CLVS2: variants seen among roughly 807,000 people sequenced by gnomAD.
The protein encoded by CLVS2 is clavesin 2.
In CLVS2, 19 loss-of-function variants were observed where a neutral mutation model predicts 29.0. That is an observed-to-expected ratio of 0.66 (90% confidence interval 0.46 to 0.96). The LOEUF (loss-of-function observed/expected upper bound fraction) is 0.96. Ranked by LOEUF, CLVS2 falls within the 40% of genes least tolerant of loss-of-function variation. The probability of loss-of-function intolerance (pLI) is 0.00; values close to 1 mark genes in which losing one functional copy is unlikely to be tolerated. For missense variants in CLVS2, 294 were observed against 404.1 expected, an observed-to-expected ratio of 0.73 and a Z score of 2.34; for synonymous variants, 161 against 151.3, an observed-to-expected ratio of 1.06 and a Z score of -0.47.
chr6:123,059,611 A>G (rs757556473), intron 5 of CLVS2, among the ~76,000 whole-genome samples: 1 of 152,102 alleles, frequency 6.6e-6, no homozygotes, highest in Non-Finnish European at 1.5e-5. Context: ...GATAGACCTC[A>G]CTGGCTTCTT....
chr6:123,011,950 C>G (rs1437378261), intron 3 of CLVS2, among the ~76,000 whole-genome samples: 1 of 151,914 alleles, frequency 6.6e-6, no homozygotes, highest in Admixed American at 6.6e-5. Context: ...GTTGAGTAAG[C>G]CCAAGTCATC....
chr6:123,009,090 T>G (rs1004047286), intron 2 of CLVS2, among the ~76,000 whole-genome samples: 43 of 152,080 alleles, frequency 2.8e-4, no homozygotes, highest in African/African-American at 9.9e-4. Context: ...CCAACCAACA[T>G]TTACTGAACA....
intron 3 of CLVS2, among the ~76,000 whole-genome samples, chr6:123,019,125 T>C (rs1294294209): frequency 6.6e-6 from 1 of 152,026 alleles, no homozygotes; most frequent in Non-Finnish European, 1.5e-5. Flanking sequence ...TTCCTATGGG[T>C]CAGATCTGGA....
At chr6:123,017,351 A>G (rs1414231728) in intron 3 of CLVS2, among the ~76,000 whole-genome samples, 1 of 152,046 alleles carries the variant, frequency 6.6e-6, no homozygotes, top group Non-Finnish European at 1.5e-5. Context: ...GAGGGGGCTG[A>G]AGCAATGCCT....
intron 3 of CLVS2, among the ~76,000 whole-genome samples, chr6:123,038,631 C>T (rs1333056245): frequency 1.3e-5 from 2 of 151,834 alleles, no homozygotes; most frequent in Non-Finnish European, 2.9e-5. Flanking sequence ...GTATTTTTTC[C>T]AAGCCTTTCA....
chr6:122,997,817 G>A lies in CLVS2; in HGVS notation c.40G>A (p.Glu14Lys). ...AGCCGGTCTCTCCCCTGAGACCCTG[G>A]AGAAAGCTCGCCTGGAGCTCAATGA... Reference protein sequence around the residue: ...LQAGLSPETLEKARLELNENP... With the variant: ...LQAGLSPETLKKARLELNENP... Residue 14 changes from glutamate to lysine, a missense_variant, in exon 2 of 6, where the codon GAG becomes AAG. Glu to Lys is a moderately conservative substitution (Grantham distance 56). Coordinates refer to ENST00000275162, the MANE Select transcript of CLVS2 (RefSeq NM_001010852.4). 6.2e-7 allele frequency: 1 copy of A among 1,614,112 alleles called. No homozygotes were observed. The highest frequency in any genetic ancestry group is 8.5e-7 in the Non-Finnish European group (1 of 1,180,020).
chr6:123,016,058 G>T (rs1582647475), intron 3 of CLVS2, among the ~76,000 whole-genome samples: 1 of 135,604 alleles, frequency 7.4e-6, no homozygotes, highest in Non-Finnish European at 1.5e-5. Context: ...TGTGGAAAGG[G>T]AGTATTCAGG....
chr6:123,009,062 G>C (rs1271834152), intron 2 of CLVS2, among the ~76,000 whole-genome samples: 1 of 152,002 alleles, frequency 6.6e-6, no homozygotes, highest in African/African-American at 2.4e-5. Context: ...CTAACAAAAA[G>C]TATGCTATGT....
At chr6:123,027,923 A>G (rs1042070810) in intron 3 of CLVS2, among the ~76,000 whole-genome samples, 1 of 152,208 alleles carries the variant, frequency 6.6e-6, no homozygotes, top group African/African-American at 2.4e-5. Context: ...ATATTAATGT[A>G]CTGTGCATTT....
At chr6:123,049,694 C>T (rs908390753) in intron 4 of CLVS2, among the ~76,000 whole-genome samples, 2 of 151,346 alleles carry the variant, frequency 1.3e-5, no homozygotes, top group South Asian at 4.2e-4. Flanking sequence ...CCATGTTTCT[C>T]AATGACCTAG....
chr6:123,042,776 G>A (rs1306796133), intron 3 of CLVS2, among the ~76,000 whole-genome samples: 1 of 152,164 alleles, frequency 6.6e-6, no homozygotes, highest in Non-Finnish European at 1.5e-5. Flanking sequence ...GTGATAATGA[G>A]CAGCGATTTG....
intron 3 of CLVS2, among the ~76,000 whole-genome samples, chr6:123,016,670 T>C (rs1774839284): frequency 6.6e-6 from 1 of 152,064 alleles, no homozygotes; most frequent in South Asian, 2.1e-4. Context: ...AATTGCTACA[T>C]AAGACTCAGA....
At chr6:123,005,656 T>C (rs935256149) in intron 2 of CLVS2, among the ~76,000 whole-genome samples, 1 of 152,036 alleles carries the variant, frequency 6.6e-6, no homozygotes, top group African/African-American at 2.4e-5. Context: ...GAAGCATGGG[T>C]CAGGTAGTCA....
Position 123,011,080 on chromosome 6 carries a change from T to C in CLVS2, c.485T>C (p.Ile162Thr), listed in dbSNP as rs1774742475. ...CAAGTGAATGGGTTTGTTTTGATCATAGACTGGAGTAACTTCACTTTCAAG... is the reference window on the plus strand; with the variant it reads ...CAAGTGAATGGGTTTGTTTTGATCACAGACTGGAGTAACTTCACTTTCAAG... ...ELQVNGFVLI[I>T]DWSNFTFKQA... The change falls in exon 3 of 6, where the codon ATA becomes ACA. Residue 162 changes from isoleucine (I) to threonine (T), a missense_variant. By Grantham distance (89) the Ile-to-Thr change is moderately conservative (BLOSUM62 -1). Around this residue, in one of 2 missense-constraint regions of CLVS2, gnomAD observed 212 missense variants for 336.4 expected, o/e 0.63. Coordinates refer to ENST00000275162, the MANE Select transcript of CLVS2 (RefSeq NM_001010852.4). 6.2e-7 allele frequency: 1 copy of C among 1,611,944 alleles called. No individual in the cohort carries two copies. Among genetic ancestry groups the C allele is most frequent in the Non-Finnish European group, 8.5e-7 (1 of 1,178,734 alleles).
chr6:123,036,228 CT>C lies in CLVS2; in HGVS notation c.565-12391del, dbSNP rs1231455192. Among the ~76,000 whole-genome samples, 4 of 152,184 alleles carry C rather than the reference CT, an allele frequency of 2.6e-5. No individual in the cohort carries two copies. In the East Asian group the frequency reaches 7.7e-4, roughly 29 times the overall value. ...CTGAGAAGCTTTATTTGTTGGAGGACTTTGTAGCAATGTAAAATAAAACTTC... is the reference window on the plus strand; with the variant it reads ...CTGAGAAGCTTTATTTGTTGGAGGACTTGTAGCAATGTAAAATAAAACTTC... On this transcript the variant is annotated intron_variant, in intron 3 of 5. Transcript: ENST00000275162.
intron 5 of CLVS2, among the ~76,000 whole-genome samples, chr6:123,058,353 C>T (rs977665306): frequency 6.6e-6 from 1 of 152,182 alleles, no homozygotes; most frequent in South Asian, 2.1e-4. Context: ...TTGGAGGCAG[C>T]TGTCATCGGT....
intron 3 of CLVS2, among the ~76,000 whole-genome samples, chr6:123,018,777 A>T (rs1430629965): frequency 1.3e-5 from 2 of 151,262 alleles, no homozygotes. Flanking sequence ...TCATCCTGGG[A>T]TACCATTTGA....
rs1772952876 is a variant in CLVS2 at position 123,071,737 on chromosome 6, A to G, written c.*7976A>G. Reference sequence around the variant, plus strand: ...ACAATTATAAAATGAATGAGGAAGTATTTTGGTGTTTCTAAGGTCTTTCCA... The same window carrying G: ...ACAATTATAAAATGAATGAGGAAGTGTTTTGGTGTTTCTAAGGTCTTTCCA... On this transcript the variant is annotated 3_prime_UTR_variant, in exon 6 of 6. Coordinates refer to ENST00000275162, the MANE Select transcript of CLVS2 (RefSeq NM_001010852.4). 6.6e-6 allele frequency: 1 copy of G among 152,004 alleles called. No homozygotes were observed. Among genetic ancestry groups the G allele is most frequent in the Admixed American group, 6.6e-5 (1 of 15,224 alleles). 9.4% of individuals were successfully genotyped at this position (152,004 alleles called of 1,614,324 possible).
At chr6:123,048,433 C>T (rs763020793) in intron 3 of CLVS2, among the ~76,000 whole-genome samples, 189 bp from the exon 4 acceptor site, 3 of 152,102 alleles carry the variant, frequency 2.0e-5, no homozygotes, top group Non-Finnish European at 4.4e-5. Context: ...ATTTATTATA[C>T]ATTGCTTCAG....
Sources: gnomAD v4.1 joint callset for allele counts (sites outside exome capture counted in the v4.1 genomes callset) on GRCh38, gnomAD v4.1.1 for gene constraint, gnomAD v4.1.1 regional missense constraint, MANE v1.5 for transcripts, NCBI Gene and HGNC (gene_info 2026-07-23, HGNC 2026-07-21) for gene names.